Variants in GON4L observed in about 807,000 individuals in gnomAD.
The protein encoded by GON4L is GON-4-like protein.
In GON4L, 87 loss-of-function variants were observed where a neutral mutation model predicts 211.8. The ratio of observed to expected loss-of-function variants is 0.41; its 90% CI spans 0.35 to 0.49. The LOEUF (loss-of-function observed/expected upper bound fraction) is 0.49. Among genes scored for constraint, GON4L ranks in the 20% least tolerant of loss-of-function variants. The pLI is 0.15. For missense variants in GON4L, 2,155 were observed against 2,659.5 expected, an observed-to-expected ratio of 0.81 and a Z score of 4.17; for synonymous variants, 875 against 962.6, an observed-to-expected ratio of 0.91 and a Z score of 1.68.
At chr1:155,847,566 G>A (rs1269391623) in intron 2 of GON4L, among the ~76,000 whole-genome samples, 1 of 152,138 alleles carries the variant, frequency 6.6e-6, no homozygotes, top group Admixed American at 6.5e-5. Context: ...GCCAGGCATG[G>A]TAGCGGGTAC....
intron 6 of GON4L, among the ~76,000 whole-genome samples, chr1:155,816,683 T>C (rs1668265416): frequency 6.9e-6 from 1 of 145,248 alleles, no homozygotes; most frequent in African/African-American, 2.5e-5. Flanking sequence ...CCACCATAAG[T>C]ACAACTCCAA....
chr1:155,759,929 T>C (rs771419471), intron 24 of GON4L, among the ~76,000 whole-genome samples: 9 of 147,806 alleles, frequency 6.1e-5, no homozygotes, highest in Non-Finnish European at 1.2e-4. Flanking sequence ...TATATTTTGC[T>C]GTTTATATTT....
At chr1:155,783,438 G>A (rs1166327917) in intron 14 of GON4L, among the ~76,000 whole-genome samples, 1 of 152,144 alleles carries the variant, frequency 6.6e-6, no homozygotes, top group East Asian at 1.9e-4. Context: ...ATACAATAAA[G>A]TGCAGATGCA....
chr1:155,755,393 T>C (rs1305789190), intron 27 of GON4L, among the ~76,000 whole-genome samples: 1 of 152,072 alleles, frequency 6.6e-6, no homozygotes, highest in Non-Finnish European at 1.5e-5. Flanking sequence ...GTATTTTTAG[T>C]AGAGATAGGA....
At chr1:155,810,587 G>A (rs1207918191) in intron 10 of GON4L, among the ~76,000 whole-genome samples, 2 of 151,632 alleles carry the variant, frequency 1.3e-5, no homozygotes, top group African/African-American at 2.4e-5. Flanking sequence ...CACGCCTGTA[G>A]TCCCAGCTAC....
At chr1:155,836,767 T>C (rs1670356803) in intron 2 of GON4L, among the ~76,000 whole-genome samples, 1 of 152,256 alleles carries the variant, frequency 6.6e-6, no homozygotes, top group Non-Finnish European at 1.5e-5. Flanking sequence ...TAGCTTCTAA[T>C]GACCAGTCAT....
intron 14 of GON4L, among the ~76,000 whole-genome samples, chr1:155,783,531 C>T (rs1320829517): frequency 6.6e-6 from 1 of 152,236 alleles, no homozygotes; most frequent in South Asian, 2.1e-4. Context: ...GCAAAAAGGT[C>T]AGCACGTATG....
downstream of GON4L, chr1:155,748,349 C>G (rs1660337915): frequency 2.0e-6 from 3 of 1,534,554 alleles, no homozygotes; most frequent in East Asian, 6.7e-5. Flanking sequence ...TGCCTCCACA[C>G]ATTCTTTTCC....
At chr1:155,810,765 T>A (rs1274377209) in intron 10 of GON4L, among the ~76,000 whole-genome samples, 2 of 150,710 alleles carry the variant, frequency 1.3e-5, no homozygotes, top group Non-Finnish European at 2.9e-5. Context: ...ATGCCTATAA[T>A]CCCAGCACTT....
chr1:155,846,544 G>A, intron 2 of GON4L: 1 of 150,144 alleles, frequency 6.7e-6, no homozygotes, highest in Non-Finnish European at 1.5e-5. Context: ...AAAAAGATAG[G>A]AAAAAGAAGA....
intron 17 of GON4L, among the ~76,000 whole-genome samples, chr1:155,774,008 G>A (rs1173365521): frequency 2.0e-5 from 3 of 152,062 alleles, no homozygotes; most frequent in Admixed American, 1.3e-4. Flanking sequence ...TCAACTTAAC[G>A]ATAAGACTCA....
chr1:155,760,108 G>C (rs1661633254), intron 24 of GON4L, among the ~76,000 whole-genome samples: 1 of 151,492 alleles, frequency 6.6e-6, no homozygotes, highest in Non-Finnish European at 1.5e-5. Flanking sequence ...GTCAGGAATT[G>C]CTAGGAATTC....
chr1:155,855,890 G>GA (rs1672225931), intron 1 of GON4L, among the ~76,000 whole-genome samples: 2 of 148,864 alleles, frequency 1.3e-5, no homozygotes, highest in Admixed American at 1.4e-4. Context: ...GCTGAGGCAG[G>GA]AGAATCGCTT....
At chr1:155,803,390 G>A (rs1201889841) in intron 11 of GON4L, among the ~76,000 whole-genome samples, 3 of 151,944 alleles carry the variant, frequency 2.0e-5, no homozygotes, top group Non-Finnish European at 2.9e-5. Context: ...GACTACAGGC[G>A]TGCACCACCA....
chr1:155,749,273 G>T, downstream of GON4L: 1 of 1,600,412 alleles, frequency 6.2e-7, no homozygotes, highest in Non-Finnish European at 8.5e-7. Context: ...AGAATTCTTA[G>T]TTTGTTATTC....
intron 18 of GON4L, 94 bp downstream of exon 18, chr1:155,772,972 T>C (rs1663361525): frequency 1.3e-6 from 2 of 1,498,580 alleles, no homozygotes; most frequent in African/African-American, 2.8e-5. Flanking sequence ...CCGTGTCTTA[T>C]TATACAAGTC....
intron 2 of GON4L, chr1:155,845,311 T>C (rs902090422): frequency 5.2e-6 from 1 of 192,350 alleles, no homozygotes; most frequent in African/African-American, 2.4e-5. Flanking sequence ...ATAATGAATT[T>C]GCATGCTAAA....
Position 155,811,391 on chromosome 1 carries a change from C to CAAAA in GON4L, c.1452+2239_1452+2242dup, listed in dbSNP as rs777417019. Among the ~76,000 whole-genome samples, 230 of 33,164 alleles carry CAAAA rather than the reference C, an allele frequency of 6.9e-3. 45 individuals are homozygous for CAAAA. Among genetic ancestry groups the CAAAA allele is most frequent in the African/African-American group, 0.033 (186 of 5,604 alleles). The allele number at this position is 33,164 out of a possible 152,430, so 21.8% of individuals were successfully genotyped here. A position where few individuals can be genotyped will look rare whatever the true frequency, so the allele number is the denominator to read the frequency against. On this transcript the variant is annotated intron_variant, in intron 10 of 31. Transcript: ENST00000368331. Reference sequence around the variant, plus strand: ...TAGAGGACAGAGCAAGACTCCGTCTCAAAAAAAAAAAAAAAAAAAAAAAAA... The same window carrying CAAAA: ...TAGAGGACAGAGCAAGACTCCGTCTCAAAAAAAAAAAAAAAAAAAAAAAAAAAAA...
At chr1:155,779,477 C>T (rs1484126305) in intron 14 of GON4L, among the ~76,000 whole-genome samples, 2 of 151,410 alleles carry the variant, frequency 1.3e-5, no homozygotes, top group East Asian at 4.0e-4. Context: ...CCATCACACC[C>T]AGCTAATTTT....
Sources: allele counts gnomAD v4.1 joint callset (sites outside exome capture counted in the v4.1 genomes callset), GRCh38; gene constraint gnomAD v4.1.1; transcripts MANE v1.5; gene names NCBI Gene and HGNC (gene_info 2026-07-23, HGNC 2026-07-21).